Variants in LSAMP observed in about 807,000 individuals in gnomAD.
LSAMP encodes limbic system-associated membrane protein.
A neutral mutation model predicts 38.6 loss-of-function variants in LSAMP; 7 were observed. The ratio of observed to expected loss-of-function variants is 0.18; its 90% CI spans 0.10 to 0.34. The LOEUF (loss-of-function observed/expected upper bound fraction) is 0.34. LSAMP is among the 10% of genes least tolerant of loss of function. The pLI is 1.00. For missense variants in LSAMP, 313 were observed against 420.0 expected (o/e 0.75, Z 2.23); for synonymous variants, 154 against 166.8 (o/e 0.92, Z 0.59).
chr3:116,375,810 C>G (rs2048486863), intron 1 of LSAMP, among the ~76,000 whole-genome samples: 1 of 151,854 alleles, frequency 6.6e-6, no homozygotes. Flanking sequence ...TCATTCGACT[C>G]TCTTTAGTGT....
intron 6 of LSAMP, among the ~76,000 whole-genome samples, chr3:115,819,205 G>A (rs1934145593): frequency 6.6e-6 from 1 of 151,994 alleles, no homozygotes; most frequent in South Asian, 2.1e-4. Context: ...CAGCACTTTG[G>A]GAGGCCGAGG....
At chr3:116,101,742 A>G (rs1708352582) in intron 1 of LSAMP, among the ~76,000 whole-genome samples, 1 of 152,046 alleles carries the variant, frequency 6.6e-6, no homozygotes, top group African/African-American at 2.4e-5. Flanking sequence ...GGGAAACTGC[A>G]TAACTCAAAT....
intron 1 of LSAMP, among the ~76,000 whole-genome samples, chr3:116,262,239 C>T (rs925051054): frequency 4.6e-5 from 7 of 152,122 alleles, no homozygotes; most frequent in Non-Finnish European, 7.3e-5. Flanking sequence ...ATTGTTACTA[C>T]CTGTTGTGCC....
chr3:115,868,647 CAT>C (rs1935928707), intron 3 of LSAMP, among the ~76,000 whole-genome samples: 1 of 151,982 alleles, frequency 6.6e-6, no homozygotes, highest in Admixed American at 6.6e-5. Context: ...TTTAAATACA[CAT>C]ATTTAAAATG....
intron 2 of LSAMP, among the ~76,000 whole-genome samples, chr3:116,056,045 A>G (rs1941485667): frequency 6.6e-6 from 1 of 152,182 alleles, no homozygotes; most frequent in African/African-American, 2.4e-5. Context: ...CTCTTATAAA[A>G]TAAAGGCAAG....
intron 1 of LSAMP, among the ~76,000 whole-genome samples, chr3:116,107,256 C>A (rs1434891841): frequency 6.6e-6 from 1 of 152,090 alleles, no homozygotes; most frequent in Non-Finnish European, 1.5e-5. Flanking sequence ...AGAGTGAGTA[C>A]AGCTGAAGGA....
intron 1 of LSAMP, among the ~76,000 whole-genome samples, chr3:116,401,670 CTT>C (rs900377267): frequency 1.3e-5 from 2 of 152,144 alleles, no homozygotes; most frequent in Non-Finnish European, 2.9e-5. Context: ...GCTTCTGACT[CTT>C]TTTTTGCACA....
chr3:115,922,430 T>C (rs932015863), intron 3 of LSAMP, among the ~76,000 whole-genome samples: 2 of 152,104 alleles, frequency 1.3e-5, no homozygotes, highest in African/African-American at 4.8e-5. Flanking sequence ...TTCAAATATA[T>C]ATATTTCTAT....
intron 2 of LSAMP, among the ~76,000 whole-genome samples, chr3:116,080,700 G>A (rs1707853332): frequency 6.6e-6 from 1 of 152,182 alleles, no homozygotes; most frequent in African/African-American, 2.4e-5. Flanking sequence ...CCAATCAAGA[G>A]GCTATTGTCT....
At chr3:116,373,116 A>G (rs972938257) in intron 1 of LSAMP, among the ~76,000 whole-genome samples, 1 of 151,636 alleles carries the variant, frequency 6.6e-6, no homozygotes, top group Non-Finnish European at 1.5e-5. Context: ...ATATTTGTAT[A>G]CCCACGTTAA....
chr3:116,156,146 A>G (rs1709742028), intron 1 of LSAMP, among the ~76,000 whole-genome samples: 1 of 152,142 alleles, frequency 6.6e-6, no homozygotes, highest in African/African-American at 2.4e-5. Flanking sequence ...TCTCATTCAG[A>G]GTCCCCAGGC....
At chr3:116,212,861 GA>G (rs998705985) in intron 1 of LSAMP, among the ~76,000 whole-genome samples, 1 of 152,120 alleles carries the variant, frequency 6.6e-6, no homozygotes, top group Non-Finnish European at 1.5e-5. Flanking sequence ...AGACCACAGG[GA>G]ATCTGATTTA....
At position 116,296,694 on chromosome 3, in the gene LSAMP, CAAAAAAAAAAAAAAAAAAA is replaced by C. The variant is rs10659032; in HGVS notation, c.155+148164_155+148182del. ...TGGGCGACAGAGCGTGACTCTGTCT[CAAAAAAAAAAAAAAAAAAA>C]AAAAAAAAAAGAAACCCATAAAGGT... On this transcript the variant is annotated intron_variant, in intron 1 of 6. Transcript: ENST00000490035. Among the ~76,000 whole-genome samples, 3 of 59,730 alleles carry C rather than the reference CAAAAAAAAAAAAAAAAAAA, an allele frequency of 5.0e-5. No individual in the cohort carries two copies. In the South Asian group the frequency reaches 3.0e-3, roughly 60 times the overall value. The allele number at this position is 59,730 out of a possible 152,430, so 39.2% of individuals were successfully genotyped here.
intron 3 of LSAMP, among the ~76,000 whole-genome samples, chr3:116,013,006 C>A (rs886519466): frequency 6.6e-6 from 1 of 152,108 alleles, no homozygotes; most frequent in African/African-American, 2.4e-5. Flanking sequence ...TTTACTAGGC[C>A]ACGTACAAAG....
intron 1 of LSAMP, among the ~76,000 whole-genome samples, chr3:116,232,759 C>G (rs1399884681): frequency 8.1e-6 from 1 of 124,058 alleles, no homozygotes; most frequent in African/African-American, 2.9e-5. Flanking sequence ...AGGTCCTAGT[C>G]TCAGATGAGC....
intron 3 of LSAMP, among the ~76,000 whole-genome samples, chr3:115,898,703 C>T (rs1029447215): frequency 6.6e-6 from 1 of 151,834 alleles, no homozygotes; most frequent in African/African-American, 2.4e-5. Flanking sequence ...AATGGTCCAG[C>T]CTCCCTGGCT....
chr3:116,259,357 G>T (rs2046795767), intron 1 of LSAMP, among the ~76,000 whole-genome samples: 1 of 152,026 alleles, frequency 6.6e-6, no homozygotes, highest in Non-Finnish European at 1.5e-5. Flanking sequence ...TTCTAACATT[G>T]CTCTAGAGGT....
At chr3:116,376,168 A>T (rs2048490408) in intron 1 of LSAMP, among the ~76,000 whole-genome samples, 1 of 152,060 alleles carries the variant, frequency 6.6e-6, no homozygotes, top group South Asian at 2.1e-4. Flanking sequence ...TTTGAGTCTT[A>T]TCAATTCCTT....
chr3:115,954,769 A>G (rs892560994), intron 3 of LSAMP, among the ~76,000 whole-genome samples: 6 of 152,210 alleles, frequency 3.9e-5, no homozygotes, highest in Non-Finnish European at 8.8e-5. Context: ...ATATTGGCTC[A>G]GGCTTTTAAA....
Sources: gnomAD v4.1 joint callset for allele counts (sites outside exome capture counted in the v4.1 genomes callset) on GRCh38, gnomAD v4.1.1 for gene constraint, MANE v1.5 for transcripts, NCBI Gene and HGNC (gene_info 2026-07-23, HGNC 2026-07-21) for gene names.